The following ARHGEF37 variants were observed in gnomAD, a reference collection of about 807,000 sequenced individuals.
ARHGEF37 encodes the protein Rho guanine nucleotide exchange factor 37, also known as Rho guanine nucleotide exchange factor (GEF) 37.
ARHGEF37 carries 55 observed loss-of-function variants against 71.1 expected under a neutral mutation model. That is an observed-to-expected ratio of 0.77 (90% CI 0.62 to 0.97). The LOEUF is 0.97. ARHGEF37 is among the 50% of genes least tolerant of loss of function. The probability of loss-of-function intolerance (pLI) is 0.00; values close to 1 mark genes in which losing one functional copy is unlikely to be tolerated. For missense variants in ARHGEF37, 765 were observed against 836.8 expected (o/e 0.91, Z 1.06); for synonymous variants, 327 against 350.6 (o/e 0.93, Z 0.75).
rs1041142068 is a variant in ARHGEF37, at chr5:149,628,865, G to T, written c.1717G>T (p.Ala573Ser). 6.2e-7 allele frequency: 1 copy of T among 1,613,840 alleles called. No individual in the cohort carries two copies. The highest frequency in any genetic ancestry group is 1.1e-5 in the South Asian group (1 of 91,028). Reference sequence around the variant, plus strand: ...ACAGCTGTACCATGTGGTCCCCAGTGCAGAGGAGCTCAGAAGGCAGGCGGG... The same window carrying T: ...ACAGCTGTACCATGTGGTCCCCAGTTCAGAGGAGCTCAGAAGGCAGGCGGG... The part of the protein sequence containing the change: ...KLQLYHVVPS[A>S]EELRRQAGLN... The change falls in exon 12 of 13, where the codon GCA (alanine) becomes TCA (serine). Residue 573 changes from alanine to serine, a missense_variant. By Grantham distance (99) the Ala-to-Ser change is moderately conservative. Transcript: ENST00000333677.
In ARHGEF37 at chr5:149,609,581, A is replaced by G. The variant is rs774360779; in HGVS notation, c.344A>G (p.Glu115Gly). ...TTTCTGGAATTCCAAGAGGAGTTGG[A>G]GCAAGTCTATAAGGTCTACTGTGCC... Reference protein sequence around the residue: ...NIFLEFQEELEQVYKVYCASY... With the variant: ...NIFLEFQEELGQVYKVYCASY... Residue 115 changes from glutamate (E) to glycine (G), a missense_variant, in exon 4 of 13, where the codon GAG becomes GGG. This residue lies in a region of ARHGEF37 where 201 missense variants were observed against 217.5 expected (regional missense o/e 0.92). Transcript: ENST00000333677. The G allele has an allele frequency of 6.2e-7, 1 of 1,613,850 alleles. No individual in the cohort carries two copies. The highest frequency in any genetic ancestry group is 8.5e-7 in the Non-Finnish European group (1 of 1,180,008).
chr5:149,616,849 T>G, intron 5 of ARHGEF37, 83 bp downstream of exon 5: 1 of 1,371,446 alleles, frequency 7.3e-7, no homozygotes, highest in South Asian at 1.4e-5. Flanking sequence ...GCTTCACCAG[T>G]AAAGAGAATG....
chr5:149,595,353 A>T (rs962913003), intron 1 of ARHGEF37, among the ~76,000 whole-genome samples: 3 of 151,276 alleles, frequency 2.0e-5, no homozygotes, highest in Admixed American at 6.6e-5. Context: ...TTACAAAAAA[A>T]TTTTTTCTGT....
upstream of ARHGEF37, among the ~76,000 whole-genome samples, chr5:149,579,797 G>T (rs1472686973): frequency 6.6e-6 from 1 of 151,790 alleles, no homozygotes; most frequent in Non-Finnish European, 1.5e-5. Flanking sequence ...GGCCAGGCTG[G>T]CCTCGAACTC....
At chr5:149,555,989 A>AT (rs1561780288) in intron 1 of ARHGEF37, among the ~76,000 whole-genome samples, 1 of 151,980 alleles carries the variant, frequency 6.6e-6, no homozygotes, top group African/African-American at 2.4e-5. Flanking sequence ...AACAAAAACC[A>AT]TTTTTTTAAG....
At chr5:149,555,734 A>G (rs899213821) in intron 1 of ARHGEF37, among the ~76,000 whole-genome samples, 2 of 152,176 alleles carry the variant, frequency 1.3e-5, no homozygotes, top group Non-Finnish European at 2.9e-5. Context: ...CTACCAAAAG[A>G]AAGAGAAAAA....
intron 7 of ARHGEF37, among the ~76,000 whole-genome samples, chr5:149,619,415 G>A (rs1752471305): frequency 6.6e-6 from 1 of 152,206 alleles, no homozygotes; most frequent in African/African-American, 2.4e-5. Context: ...TGCAATAGGA[G>A]CCTAGTGTCT....
intron 1 of ARHGEF37, among the ~76,000 whole-genome samples, chr5:149,574,544 C>T (rs1196621092): frequency 6.6e-6 from 1 of 152,186 alleles, no homozygotes; most frequent in African/African-American, 2.4e-5. Context: ...TCTTTTCGTG[C>T]ATTTACTGCT....
chr5:149,587,170 TTCAGTCTCTCTC>T (rs1216708346), intron 1 of ARHGEF37, among the ~76,000 whole-genome samples: 1 of 152,160 alleles, frequency 6.6e-6, no homozygotes, highest in African/African-American at 2.4e-5. Context: ...ATGCCATCAT[TTCAGTCTCTCTC>T]TCAGTCTCTC....
chr5:149,590,511 A>G (rs1188041150), intron 1 of ARHGEF37, among the ~76,000 whole-genome samples: 2 of 151,132 alleles, frequency 1.3e-5, no homozygotes, highest in Non-Finnish European at 2.9e-5. Context: ...CGAACTCCTG[A>G]CCTCGTGATT....
intron 4 of ARHGEF37, among the ~76,000 whole-genome samples, chr5:149,612,273 T>C (rs893208946): frequency 5.9e-5 from 9 of 152,186 alleles, no homozygotes; most frequent in African/African-American, 2.2e-4. Context: ...GTTCACGCCA[T>C]TCTCCTGCCT....
chr5:149,569,563 G>C (rs912143190), intron 1 of ARHGEF37, among the ~76,000 whole-genome samples: 7 of 152,084 alleles, frequency 4.6e-5, no homozygotes, highest in East Asian at 1.9e-4. Context: ...CAGGTGATCT[G>C]CCCACCTTGG....
At chr5:149,579,090 C>A (rs6861618), upstream of ARHGEF37, among the ~76,000 whole-genome samples, 1 of 152,002 alleles carries the variant, frequency 6.6e-6, no homozygotes, top group Non-Finnish European at 1.5e-5. Context: ...TTGACACTTA[C>A]GTCTAAAACC....
intron 1 of ARHGEF37, among the ~76,000 whole-genome samples, chr5:149,557,523 A>T (rs572917223): frequency 6.6e-6 from 1 of 152,122 alleles, no homozygotes; most frequent in Non-Finnish European, 1.5e-5. Context: ...TCTGTTGCCC[A>T]TGCTGGAGTG....
chr5:149,616,335 G>T (rs1276360685), intron 4 of ARHGEF37, among the ~76,000 whole-genome samples: 1 of 152,212 alleles, frequency 6.6e-6, no homozygotes. Flanking sequence ...TGAGGGCAGA[G>T]AGCTTGAACA....
At chr5:149,616,792 C>G (rs1752397044) in intron 5 of ARHGEF37, 26 bp downstream of exon 5, 1 of 1,564,936 alleles carries the variant, frequency 6.4e-7, no homozygotes, top group Non-Finnish European at 8.7e-7. Flanking sequence ...TTTAAGGGGA[C>G]ACATTAGTAG....
chr5:149,621,962 T>G lies in ARHGEF37; in HGVS notation c.1235T>G (p.Leu412Arg). 1 of 1,614,232 alleles carries G rather than the reference T, an allele frequency of 6.2e-7. No homozygotes were observed. The highest frequency in any genetic ancestry group is 1.1e-5 in the South Asian group (1 of 91,092). Residue 412 changes from leucine (L) to arginine (R), a missense_variant, in exon 9 of 13, where the codon CTG (leucine) becomes CGG (arginine). This residue lies in a region of ARHGEF37 where 390 missense variants were observed against 407.4 expected (regional missense o/e 0.96). Transcript: ENST00000333677. ...LVAELPQFNQ[L>R]VMQWLGQIMC... ...GCTGAGCTCCCACAGTTTAACCAGC[T>G]GGTCATGCAGTGGCTGGGCCAGATC...
intron 1 of ARHGEF37, among the ~76,000 whole-genome samples, chr5:149,584,525 A>C (rs1763182060): frequency 1.3e-5 from 2 of 151,940 alleles, no homozygotes; most frequent in African/African-American, 4.8e-5. Context: ...CTGTGGCTCT[A>C]TTTTGTTTCA....
At chr5:149,580,371 T>G (rs1415105685), upstream of ARHGEF37, among the ~76,000 whole-genome samples, 4 of 152,176 alleles carry the variant, frequency 2.6e-5, no homozygotes, top group Non-Finnish European at 5.9e-5. Flanking sequence ...CCCTTGGTTT[T>G]TCTCTTCTGC....
Sources: gnomAD v4.1 joint callset for allele counts (sites outside exome capture counted in the v4.1 genomes callset) on GRCh38, gnomAD v4.1.1 for gene constraint, gnomAD v4.1.1 regional missense constraint, MANE v1.5 for transcripts, NCBI Gene and HGNC (gene_info 2026-07-23, HGNC 2026-07-21) for gene names.